NFIC: variants seen among roughly 807,000 people sequenced by gnomAD.
NFIC encodes nuclear factor 1 C-type.
Under a neutral mutation model 54.4 loss-of-function variants are expected in NFIC, and 12 were observed. The observed-to-expected ratio is 0.22, with a 90% CI of 0.14 to 0.36. NFIC has a LOEUF of 0.36. Ranked by LOEUF, NFIC falls within the 10% of genes least tolerant of loss-of-function variation. The pLI, the probability that NFIC is intolerant of heterozygous loss-of-function variation, is 1.00. For synonymous variants in NFIC, 322 were observed against 319.2 expected (o/e 1.01, Z -0.09); for missense variants, 575 against 718.2 (o/e 0.80, Z 2.28).
Position 3,425,090 on chromosome 19 carries a change from T to C in NFIC, c.563-16T>C, listed in dbSNP as rs1476892387. 1.2e-6 allele frequency: 2 copies of C among 1,613,060 alleles called. No homozygotes were observed. The highest frequency in any genetic ancestry group is 2.2e-5 in the East Asian group (1 of 44,850). ...GTCTCTGTGATGCCACCAGTGTTTCTTCCCTCTCTTTGCAGATGCAGAGCA... is the reference window on the plus strand; with the variant it reads ...GTCTCTGTGATGCCACCAGTGTTTCCTCCCTCTCTTTGCAGATGCAGAGCA... On this transcript the variant is annotated splice_polypyrimidine_tract_variant and intron_variant, in intron 2 of 10. Coordinates refer to ENST00000443272, the MANE Select transcript of NFIC (RefSeq NM_001245002.2).
chr19:3,457,189 C>T (rs868147045), intron 10 of NFIC, among the ~76,000 whole-genome samples: 1 of 152,146 alleles, frequency 6.6e-6, no homozygotes, highest in African/African-American at 2.4e-5. Context: ...GGAGAGGCTT[C>T]GTCAGCAGGA....
intron 1 of NFIC, 67 bp downstream of exon 1, chr19:3,366,733 A>C: frequency 9.2e-7 from 1 of 1,086,348 alleles, no homozygotes; most frequent in Non-Finnish European, 1.2e-6. Flanking sequence ...CGGAGTTTTG[A>C]AGCAGGAGGA....
chr19:3,405,055 G>C (rs1051158317), intron 2 of NFIC, among the ~76,000 whole-genome samples: 3 of 152,206 alleles, frequency 2.0e-5, no homozygotes, highest in Non-Finnish European at 4.4e-5. Context: ...CCCGGAGCCA[G>C]GCCATGGAGC....
intron 3 of NFIC, among the ~76,000 whole-genome samples, chr19:3,429,132 A>AAAACAC (rs1555754138): frequency 4.5e-5 from 3 of 67,382 alleles, no homozygotes; most frequent in African/African-American, 1.4e-4. Context: ...CCAAAAAAAA[A>AAAACAC]ATATACACAC....
chr19:3,374,285 T>C (rs1025664943), intron 1 of NFIC, among the ~76,000 whole-genome samples: 1 of 152,142 alleles, frequency 6.6e-6, no homozygotes, highest in African/African-American at 2.4e-5. Context: ...CTGCTGCTGC[T>C]CTCTTTGGCC....
chr19:3,464,825 C>A lies in NFIC; in HGVS notation c.*2056C>A, dbSNP rs995019780. The A allele has an allele frequency of 1.9e-6, 1 of 527,040 alleles. No homozygotes were observed. The highest frequency in any genetic ancestry group is 2.4e-6 in the Non-Finnish European group (1 of 411,390). The allele number at this position is 527,040 out of a possible 1,614,324, so 32.6% of individuals were successfully genotyped here. A position where few individuals can be genotyped will look rare whatever the true frequency, so the allele number is the denominator to read the frequency against. On this transcript the variant is annotated 3_prime_UTR_variant, in exon 11 of 11. Coordinates refer to ENST00000443272, the MANE Select transcript of NFIC (RefSeq NM_001245002.2). The stretch of plus-strand genomic sequence containing the variant: ...CGTCCGTCTGTCCTCGGGGCCCGCT[C>A]CCCCGGTGGCCCTTGGGGATCAAAG...
rs761650922 is a variant in NFIC at position 3,374,317 on chromosome 19, C to A, written c.31-7395C>A. The stretch of plus-strand genomic sequence containing the variant: ...GGCCAGGAAGTCCCAGTGGGCTAAG[C>A]TGGGGTTTCCAGGAAAGACCTAGCC... On this transcript the variant is annotated intron_variant, in intron 1 of 10. Transcript: ENST00000443272. 7.2e-5 allele frequency among the ~76,000 whole-genome samples: 11 copies of A among 152,156 alleles called. 1 individual carries two copies. The highest frequency in any genetic ancestry group is 1.3e-4 in the Non-Finnish European group (9 of 68,024).
intron 1 of NFIC, among the ~76,000 whole-genome samples, chr19:3,360,426 C>T (rs1275990676): frequency 6.6e-6 from 1 of 151,372 alleles, no homozygotes; most frequent in Non-Finnish European, 1.5e-5. Flanking sequence ...CCTGGAGCGG[C>T]GGTGGCTGCA....
At chr19:3,402,364 A>G (rs768641630) in intron 2 of NFIC, among the ~76,000 whole-genome samples, 9 of 151,740 alleles carry the variant, frequency 5.9e-5, no homozygotes, top group African/African-American at 1.9e-4. Flanking sequence ...CTTCCTTTTC[A>G]TGCCTCCTCC....
chr19:3,452,546 GACGGCCTCCACCTACTTCCCCCAC>G lies in NFIC; in HGVS notation c.1156_1179del (p.Ser386_Ala393del). On this transcript the variant is annotated inframe_deletion, in exon 8 of 11. Coordinates refer to ENST00000443272, the MANE Select transcript of NFIC (RefSeq NM_001245002.2). The surrounding 1 kb of genome is among the most constrained non-coding windows in gnomAD (Gnocchi z 5.3). The stretch of plus-strand genomic sequence containing the variant: ...TCCCTACGACGTCCATCCTACCCCA[GACGGCCTCCACCTACTTCCCCCAC>G]ACGGCCATCCGCTACCCACCTCATC... 1 of 1,613,618 alleles carries G rather than the reference GACGGCCTCCACCTACTTCCCCCAC, an allele frequency of 6.2e-7. No homozygotes were observed. The highest frequency in any genetic ancestry group is 8.5e-7 in the Non-Finnish European group (1 of 1,180,000).
At chr19:3,446,948 C>T (rs1568191246) in intron 6 of NFIC, among the ~76,000 whole-genome samples, 1 of 152,124 alleles carries the variant, frequency 6.6e-6, no homozygotes, top group East Asian at 1.9e-4. Flanking sequence ...ATCACTTAAG[C>T]CCAGGAGGTT....
At chr19:3,436,785 T>C (rs1406727716) in intron 6 of NFIC, among the ~76,000 whole-genome samples, 1 of 152,022 alleles carries the variant, frequency 6.6e-6, no homozygotes, top group Non-Finnish European at 1.5e-5. Context: ...ACCTGTAGGA[T>C]TTTTAGAAGC....
chr19:3,465,062 T>C lies in NFIC; in HGVS notation c.*2293T>C, dbSNP rs1026790034. ...GACTCCTGCGACCTGGCTCCCGAGG[T>C]CAGCTGGCGGCGCTGACACACATGC... On this transcript the variant is annotated 3_prime_UTR_variant, in exon 11 of 11. Transcript: ENST00000443272. 1.4e-5 allele frequency: 2 copies of C among 147,444 alleles called. No individual in the cohort carries two copies. The highest frequency in any genetic ancestry group is 5.1e-5 in the African/African-American group (2 of 39,406). The allele number at this position is 147,444 out of a possible 1,614,324, so 9.1% of individuals were successfully genotyped here.
chr19:3,442,346 A>C (rs1256813777), intron 6 of NFIC, among the ~76,000 whole-genome samples: 1 of 144,862 alleles, frequency 6.9e-6, no homozygotes, highest in African/African-American at 2.6e-5. Context: ...GCCCCCATCC[A>C]TTCCTCTCCT....
chr19:3,422,759 G>C (rs530786524), intron 2 of NFIC, among the ~76,000 whole-genome samples: 3 of 151,770 alleles, frequency 2.0e-5, no homozygotes, highest in South Asian at 2.1e-4. Context: ...ACAAAGACCC[G>C]GGGGGTCTTG....
intron 6 of NFIC, among the ~76,000 whole-genome samples, chr19:3,444,522 T>C (rs1465199306): frequency 6.6e-6 from 1 of 151,872 alleles, no homozygotes; most frequent in East Asian, 1.9e-4. Context: ...GGGTGCAGAG[T>C]CAGTGTCCGT....
rs1330537753 is a variant in NFIC at position 3,468,232 on chromosome 19, C to T, written c.*5463C>T. ...AGCCCCCTCCCCAAGGCTTTGCTCA[C>T]ACCTGAGACAGGAAGGAGGAAGGGG... On this transcript the variant is annotated 3_prime_UTR_variant, in exon 11 of 11. Transcript: ENST00000443272. 2 of 149,542 alleles carry T rather than the reference C, an allele frequency of 1.3e-5. No homozygotes were observed. The highest frequency in any genetic ancestry group is 4.9e-5 in the African/African-American group (2 of 40,496). The allele number at this position is 149,542 out of a possible 1,614,324, so 9.3% of individuals were successfully genotyped here. A position where few individuals can be genotyped will look rare whatever the true frequency, so the allele number is the denominator to read the frequency against.
chr19:3,450,586 C>T (rs1016483332), intron 7 of NFIC, among the ~76,000 whole-genome samples: 20 of 151,808 alleles, frequency 1.3e-4, no homozygotes, highest in African/African-American at 3.4e-4. Context: ...ACCCGGGAGG[C>T]GGAGGCTGCA....
At chr19:3,409,400 C>A (rs4807463) in intron 2 of NFIC, among the ~76,000 whole-genome samples, 3 of 152,058 alleles carry the variant, frequency 2.0e-5, no homozygotes, top group Non-Finnish European at 2.9e-5. Flanking sequence ...TTCTGCCTTC[C>A]GCCAGTTTCA....
Sources: gnomAD v4.1 joint callset for allele counts (sites outside exome capture counted in the v4.1 genomes callset) on GRCh38, gnomAD v4.1.1 for gene constraint, Gnocchi (gnomAD v3.1) non-coding constraint, MANE v1.5 for transcripts, NCBI Gene and HGNC (gene_info 2026-07-23, HGNC 2026-07-21) for gene names.